Variants in FER observed in about 807,000 individuals in gnomAD.
FER encodes FER tyrosine kinase, also known as tyrosine-protein kinase Fer.
A neutral mutation model predicts 111.0 loss-of-function variants in FER; 63 were observed. The ratio of observed to expected loss-of-function variants is 0.57; its 90% confidence interval spans 0.46 to 0.70. The LOEUF is 0.70. Ranked by LOEUF, FER falls within the 30% of genes least tolerant of loss-of-function variation. FER has a pLI of 0.00. For synonymous variants in FER, 327 were observed against 313.9 expected, an observed-to-expected ratio of 1.04 and a Z score of -0.44; for missense variants, 914 against 954.0, an observed-to-expected ratio of 0.96 and a Z score of 0.55.
At chr5:109,146,268 A>ATCTATCTAC (rs566838892) in intron 17 of FER, among the ~76,000 whole-genome samples, 1 of 58,104 alleles carries the variant, frequency 1.7e-5, no homozygotes, top group Non-Finnish European at 4.1e-5. Context: ...ATATATATAT[A>ATCTATCTAC]TATATATATA....
intron 16 of FER, among the ~76,000 whole-genome samples, chr5:109,088,290 G>A (rs1304617279): frequency 6.6e-6 from 1 of 152,052 alleles, no homozygotes; most frequent in Non-Finnish European, 1.5e-5. Flanking sequence ...GGACCAGGCA[G>A]TAAGTTGCTA....
chr5:108,893,555 C>T (rs376114281), intron 9 of FER, among the ~76,000 whole-genome samples: 2 of 152,118 alleles, frequency 1.3e-5, no homozygotes, highest in East Asian at 1.9e-4. Flanking sequence ...AAATGTCTCT[C>T]AGAAGCAGGC....
intron 17 of FER, among the ~76,000 whole-genome samples, chr5:109,146,427 A>G (rs1441486252): frequency 1.3e-5 from 2 of 150,720 alleles, no homozygotes; most frequent in African/African-American, 4.9e-5. Flanking sequence ...AAATATCTAA[A>G]TTCCAAAGTT....
chr5:108,864,523 G>C (rs1241889582), intron 5 of FER, among the ~76,000 whole-genome samples: 4 of 152,162 alleles, frequency 2.6e-5, no homozygotes, highest in Admixed American at 2.6e-4. Context: ...AAGGGAGCCT[G>C]CCGTCAAAAA....
chr5:108,973,484 C>A lies in FER; in HGVS notation c.1656+14137C>A, dbSNP rs1369059539. On this transcript the variant is annotated intron_variant, in intron 13 of 19. Coordinates refer to ENST00000281092, the MANE Select transcript of FER (RefSeq NM_005246.4). ...TTATAAGCCTTACAGAAAAATGAAA[C>A]TTCTTTTTGTTTTTTTTTGTTATTT... is the stretch of plus-strand genomic sequence containing the variant. Among the ~76,000 whole-genome samples the A allele has an allele frequency of 2.7e-5, 4 of 150,020 alleles. No homozygotes were observed. The Admixed American group carries it at 2.7e-4, about 10-fold the overall frequency.
chr5:109,115,037 A>G (rs1325137966), intron 17 of FER, among the ~76,000 whole-genome samples: 2 of 152,062 alleles, frequency 1.3e-5, no homozygotes, highest in Non-Finnish European at 2.9e-5. Context: ...TGGAGAAGCC[A>G]GTAGATATTT....
chr5:108,856,331 GT>G lies in FER; in HGVS notation c.482-11428del, dbSNP rs547321779. On this transcript the variant is annotated intron_variant, in intron 5 of 19. Coordinates refer to ENST00000281092, the MANE Select transcript of FER (RefSeq NM_005246.4). Reference sequence around the variant, plus strand: ...AAACCATTAAGTATACAATGAAAAAGTTTTTTTTCCCACTCATTATTCATTT... The same window carrying G: ...AAACCATTAAGTATACAATGAAAAAGTTTTTTTCCCACTCATTATTCATTT... 9.9e-5 allele frequency among the ~76,000 whole-genome samples: 15 copies of G among 151,940 alleles called. 1 individual carries two copies. In the South Asian group the frequency reaches 1.7e-3, roughly 17 times the overall value.
intron 5 of FER, among the ~76,000 whole-genome samples, chr5:108,853,262 A>T (rs1180495330): frequency 1.3e-5 from 2 of 152,230 alleles, no homozygotes; most frequent in Admixed American, 1.3e-4. Flanking sequence ...GCATTTAAGA[A>T]CTATTTGTTG....
intron 16 of FER, among the ~76,000 whole-genome samples, chr5:109,080,056 G>C (rs1288725854): frequency 6.6e-6 from 1 of 151,438 alleles, no homozygotes; most frequent in East Asian, 1.9e-4. Flanking sequence ...TCCTCCCATG[G>C]TTAAATGAAT....
intron 5 of FER, among the ~76,000 whole-genome samples, chr5:108,857,774 T>G (rs1219516269): frequency 6.6e-6 from 1 of 152,206 alleles, no homozygotes; most frequent in East Asian, 1.9e-4. Context: ...TCACAGATTC[T>G]GATTTTTATT....
intron 5 of FER, among the ~76,000 whole-genome samples, chr5:108,841,021 G>C (rs1428854339): frequency 6.6e-6 from 1 of 152,218 alleles, no homozygotes; most frequent in Non-Finnish European, 1.5e-5. Context: ...ACTGGGAAGA[G>C]AAAGGAGGGT....
chr5:108,843,502 C>T (rs1404731906), intron 5 of FER, among the ~76,000 whole-genome samples: 2 of 151,470 alleles, frequency 1.3e-5, no homozygotes, highest in African/African-American at 4.9e-5. Context: ...AGATGTGGAC[C>T]CTACCTTCAA....
chr5:108,856,268 C>T (rs1762997731), intron 5 of FER, among the ~76,000 whole-genome samples: 1 of 152,154 alleles, frequency 6.6e-6, no homozygotes, highest in African/African-American at 2.4e-5. Flanking sequence ...ACTCCCTCTT[C>T]ACACTAATAT....
At chr5:108,894,949 G>T (rs1748839414) in intron 9 of FER, among the ~76,000 whole-genome samples, 1 of 152,094 alleles carries the variant, frequency 6.6e-6, no homozygotes, top group African/African-American at 2.4e-5. Context: ...TTGAGATTTG[G>T]GTGAGGACAC....
rs991296143 is a variant in FER at position 109,021,458 on chromosome 5, T to C, written c.1657-15964T>C. On this transcript the variant is annotated intron_variant, in intron 13 of 19. Transcript: ENST00000281092. ...GTAGACTCACAAGTGGGAATTGCTTTTTTCATTTTTAGTATTCTAACAACA... is the reference window on the plus strand; with the variant it reads ...GTAGACTCACAAGTGGGAATTGCTTCTTTCATTTTTAGTATTCTAACAACA... Among the ~76,000 whole-genome samples, 5 of 152,092 alleles carry C rather than the reference T, an allele frequency of 3.3e-5. 1 individual carries two copies. Among genetic ancestry groups the C allele is most frequent in the African/African-American group, 1.2e-4 (5 of 41,436 alleles).
At chr5:109,140,817 A>G (rs1160103024) in intron 17 of FER, among the ~76,000 whole-genome samples, 1 of 152,160 alleles carries the variant, frequency 6.6e-6, no homozygotes, top group African/African-American at 2.4e-5. Context: ...GAGGGAAGAG[A>G]TTGTTATGTG....
intron 3 of FER, among the ~76,000 whole-genome samples, chr5:108,829,908 A>G (rs776055883): frequency 3.3e-5 from 5 of 152,224 alleles, no homozygotes; most frequent in African/African-American, 7.2e-5. Context: ...AGAGTAAGAC[A>G]GAATAGCAAG....
At chr5:108,835,560 G>C (rs1198594383) in intron 4 of FER, 148 bp from the exon 5 acceptor site, 2 of 443,592 alleles carry the variant, frequency 4.5e-6, no homozygotes, top group Non-Finnish European at 8.2e-6. Flanking sequence ...AAACATACTT[G>C]TAGTTTATTT....
At chr5:108,825,813 C>T (rs1332595222) in intron 3 of FER, among the ~76,000 whole-genome samples, 2 of 152,226 alleles carry the variant, frequency 1.3e-5, no homozygotes, top group Non-Finnish European at 2.9e-5. Context: ...CCACGTTCTT[C>T]TGTCATGGCT....
Sources: allele counts gnomAD v4.1 joint callset (sites outside exome capture counted in the v4.1 genomes callset), GRCh38; gene constraint gnomAD v4.1.1; transcripts MANE v1.5; gene names NCBI Gene and HGNC (gene_info 2026-07-23, HGNC 2026-07-21).